ALK: variants seen among roughly 807,000 people sequenced by gnomAD.
The protein encoded by ALK is ALK receptor tyrosine kinase.
In ALK, 74 loss-of-function variants were observed where a neutral mutation model predicts 163.1. The ratio of observed to expected loss-of-function variants is 0.45; its 90% CI spans 0.38 to 0.55. The LOEUF (loss-of-function observed/expected upper bound fraction) is 0.55, where lower values mean the gene tolerates loss of function less well. Among genes scored for constraint, ALK ranks in the 20% least tolerant of loss-of-function variants. ALK has a pLI of 0.00. For synonymous variants in ALK, 960 were observed against 843.2 expected (o/e 1.14, Z -2.40); for missense variants, 2,063 against 2,105.3 (o/e 0.98, Z 0.39).
intron 4 of ALK, among the ~76,000 whole-genome samples, chr2:29,444,063 A>G (rs994907231): frequency 3.3e-5 from 5 of 152,214 alleles, no homozygotes; most frequent in African/African-American, 1.2e-4. Flanking sequence ...TGTTTTCTCA[A>G]ATGTTCACAT....
At chr2:29,256,340 G>A (rs890216181) in intron 11 of ALK, among the ~76,000 whole-genome samples, 1 of 152,124 alleles carries the variant, frequency 6.6e-6, no homozygotes, top group Admixed American at 6.5e-5. Flanking sequence ...AGTGTTTACT[G>A]TGCACCTAAT....
At chr2:29,782,906 G>GCC (rs1046541329) in intron 1 of ALK, among the ~76,000 whole-genome samples, 48 of 152,286 alleles carry the variant, frequency 3.2e-4, no homozygotes, top group African/African-American at 1.1e-3. Flanking sequence ...TTTGCAGAAT[G>GCC]CCCTCTGACC....
chr2:29,709,907 A>G (rs1679022198), intron 2 of ALK, among the ~76,000 whole-genome samples: 1 of 152,178 alleles, frequency 6.6e-6, no homozygotes, highest in Non-Finnish European at 1.5e-5. Flanking sequence ...ACATGCATAC[A>G]ACATTCCTTC....
intron 4 of ALK, among the ~76,000 whole-genome samples, chr2:29,508,299 T>A (rs4438441): frequency 6.6e-6 from 1 of 151,956 alleles, no homozygotes; most frequent in Admixed American, 6.5e-5. Flanking sequence ...TTCAGAGCAG[T>A]ATAGGCGTCA....
intron 20 of ALK, 67 bp from the exon 21 acceptor site, chr2:29,222,674 C>T (rs2148169638): frequency 6.9e-7 from 1 of 1,446,722 alleles, no homozygotes; most frequent in Non-Finnish European, 9.6e-7. Context: ...AGCTGGGGGT[C>T]CTGAGCCTGG....
intron 1 of ALK, among the ~76,000 whole-genome samples, chr2:29,919,519 G>A (rs966282820): frequency 1.3e-5 from 2 of 152,294 alleles, no homozygotes; most frequent in South Asian, 4.1e-4. Flanking sequence ...GGACAGTTGG[G>A]TGAGATTCAA....
chr2:29,561,380 C>T lies in ALK; in HGVS notation c.953-29264G>A, dbSNP rs541686484. ...AAGGGGGAAGTTGCCCAGTTTGTAG[C>T]TGTTTAGGCCCCTGGCTATACAACA... On this transcript the variant is annotated intron_variant, in intron 3 of 28. Transcript: ENST00000389048. 3.2e-4 allele frequency among the ~76,000 whole-genome samples: 49 copies of T among 152,310 alleles called. No homozygotes were observed. In the South Asian group the frequency reaches 3.5e-3, roughly 11 times the overall value.
intron 1 of ALK, among the ~76,000 whole-genome samples, chr2:29,819,123 A>G (rs1664974558): frequency 6.6e-6 from 1 of 152,232 alleles, no homozygotes; most frequent in Non-Finnish European, 1.5e-5. Context: ...GGAGCCTGTT[A>G]TAAATAAAGA....
chr2:29,335,486 T>C (rs1255170228), intron 5 of ALK, among the ~76,000 whole-genome samples: 1 of 152,212 alleles, frequency 6.6e-6, no homozygotes, highest in Non-Finnish European at 1.5e-5. Flanking sequence ...AAATGATTTT[T>C]AGACAACAAA....
At chr2:29,450,465 C>T (rs1263162626) in intron 4 of ALK, among the ~76,000 whole-genome samples, 3 of 152,082 alleles carry the variant, frequency 2.0e-5, no homozygotes, top group Non-Finnish European at 4.4e-5. Context: ...GGTCTTTGCC[C>T]TCAGAGTTTT....
At chr2:29,249,117 A>G (rs575210633) in intron 12 of ALK, among the ~76,000 whole-genome samples, 2 of 152,272 alleles carry the variant, frequency 1.3e-5, no homozygotes, top group East Asian at 3.9e-4. Flanking sequence ...GACCTGTGCA[A>G]GTTTGGAAGT....
intron 1 of ALK, among the ~76,000 whole-genome samples, chr2:29,802,923 C>T (rs1448877932): frequency 6.6e-6 from 1 of 151,892 alleles, no homozygotes; most frequent in Admixed American, 6.6e-5. Context: ...CCAAACCATG[C>T]ATTTTGGCTT....
intron 3 of ALK, among the ~76,000 whole-genome samples, chr2:29,574,065 T>A (rs201634175): frequency 2.1e-3 from 315 of 149,788 alleles, no homozygotes; most frequent in African/African-American, 7.0e-3. Flanking sequence ...CTGAAAAAAA[T>A]AAAAAAAAAA....
At chr2:29,878,690 T>C (rs1666782870) in intron 1 of ALK, among the ~76,000 whole-genome samples, 1 of 152,310 alleles carries the variant, frequency 6.6e-6, no homozygotes, top group East Asian at 1.9e-4. Flanking sequence ...AAAGGAACTG[T>C]CATCTCATGA....
intron 4 of ALK, among the ~76,000 whole-genome samples, chr2:29,404,077 G>T (rs887162930): frequency 6.6e-6 from 1 of 152,116 alleles, no homozygotes; most frequent in African/African-American, 2.4e-5. Context: ...GCTGAGGTGG[G>T]TGGATCGTCT....
At chr2:29,224,275 G>A (rs890390983) in intron 19 of ALK, among the ~76,000 whole-genome samples, 7 of 152,042 alleles carry the variant, frequency 4.6e-5, no homozygotes, top group Non-Finnish European at 7.4e-5. Flanking sequence ...CTCTAATTCC[G>A]CCTCTTGTTA....
chr2:29,650,842 A>G (rs967755873), intron 3 of ALK, among the ~76,000 whole-genome samples: 1 of 152,146 alleles, frequency 6.6e-6, no homozygotes, highest in African/African-American at 2.4e-5. Flanking sequence ...CAATAGGGCT[A>G]CTTTTAATGT....
chr2:29,762,069 A>G (rs1206174156), intron 1 of ALK, among the ~76,000 whole-genome samples: 1 of 152,248 alleles, frequency 6.6e-6, no homozygotes, highest in East Asian at 1.9e-4. Flanking sequence ...TAAAGGGGGA[A>G]AGAAAATCAT....
chr2:29,261,818 C>A (rs1665096420), intron 11 of ALK, among the ~76,000 whole-genome samples: 1 of 152,206 alleles, frequency 6.6e-6, no homozygotes, highest in African/African-American at 2.4e-5. Context: ...TTTAATCTTA[C>A]TTTACCTCTA....
Sources: gnomAD v4.1 joint callset for allele counts (sites outside exome capture counted in the v4.1 genomes callset) on GRCh38, gnomAD v4.1.1 for gene constraint, MANE v1.5 for transcripts, NCBI Gene and HGNC (gene_info 2026-07-23, HGNC 2026-07-21) for gene names.